Variants in NPRL3 observed in about 807,000 individuals in gnomAD.
NPRL3 encodes GATOR1 complex protein NPRL3.
A neutral mutation model predicts 57.2 loss-of-function variants in NPRL3; 23 were observed. The observed-to-expected ratio is 0.40, with a 90% CI of 0.29 to 0.57. The LOEUF (loss-of-function observed/expected upper bound fraction) is 0.57. NPRL3 is among the 20% of genes least tolerant of loss of function. NPRL3 has a pLI of 0.42. For missense variants in NPRL3, 691 were observed against 767.1 expected (o/e 0.90, Z 1.17); for synonymous variants, 333 against 321.1 (o/e 1.04, Z -0.39).
chr16:123,675 C>T (rs762198299), intron 3 of NPRL3: 3 of 421,884 alleles, frequency 7.1e-6, no homozygotes, highest in Non-Finnish European at 1.4e-5. Context: ...TAAGCATTAA[C>T]TGTTGACCAT....
rs1323282813 is a variant in NPRL3 at position 117,368 on chromosome 16, T to C, written c.326A>G (p.Lys109Arg). Residue 109 changes from lysine to arginine, a missense_variant, in exon 5 of 14, where the codon AAA (lysine) becomes AGA (arginine). Coordinates refer to ENST00000611875, the MANE Select transcript of NPRL3 (RefSeq NM_001077350.3). The stretch of plus-strand genomic sequence containing the variant: ...TTCCCTCTTCGGGGAAGGATCTGTT[T>C]TGGAGATCTGTAAAAGATGCATAAT... ...LLQHALGQIS[K>R]TDPSPKREAP... The C allele has an allele frequency of 1.2e-6, 2 of 1,607,398 alleles. No homozygotes were observed. The highest frequency in any genetic ancestry group is 1.7e-6 in the Non-Finnish European group (2 of 1,175,202).
chr16:132,016 T>C (rs953161561), intron 2 of NPRL3, among the ~76,000 whole-genome samples: 7 of 151,778 alleles, frequency 4.6e-5, no homozygotes, highest in South Asian at 2.1e-4. Context: ...TTCTTTTTTT[T>C]TTTTTTTGAG....
intron 11 of NPRL3, chr16:91,032 A>C (rs1898741276): frequency 1.3e-5 from 2 of 152,002 alleles, no homozygotes; most frequent in Admixed American, 1.3e-4. Flanking sequence ...GTGAGCCAAG[A>C]TCACGCCACT....
intron 8 of NPRL3, 136 bp from the exon 9 acceptor site, chr16:98,437 A>T (rs1899121707): frequency 2.1e-6 from 2 of 936,274 alleles, no homozygotes; most frequent in Non-Finnish European, 3.2e-6. Context: ...TGCACCAGGT[A>T]TGCACCTGGG....
chr16:115,651 A>C (rs1248873094), intron 5 of NPRL3, among the ~76,000 whole-genome samples: 1 of 152,042 alleles, frequency 6.6e-6, no homozygotes, highest in Non-Finnish European at 1.5e-5. Context: ...ACACCTGGCT[A>C]ATTTTGTATT....
At chr16:123,445 T>G (rs181318439) in intron 3 of NPRL3, 43 of 469,738 alleles carry the variant, frequency 9.2e-5, no homozygotes, top group Non-Finnish European at 1.8e-4. Flanking sequence ...TTAAGCACAA[T>G]TACAAGAAGA....
chr16:89,091 C>T (rs1039430779), intron 12 of NPRL3: 4 of 594,772 alleles, frequency 6.7e-6, no homozygotes, highest in African/African-American at 1.9e-5. Context: ...AAACGGGTAG[C>T]CTCCCCTCTG....
chr16:93,564 GTTTTT>G (rs34541011), intron 9 of NPRL3, among the ~76,000 whole-genome samples: 2 of 135,452 alleles, frequency 1.5e-5, no homozygotes, highest in African/African-American at 2.8e-5. Flanking sequence ...GTGAGCAATG[GTTTTT>G]TTTTTTTTTT....
At chr16:98,443 C>A in intron 8 of NPRL3, 142 bp from the exon 9 acceptor site, 1 of 889,976 alleles carries the variant, frequency 1.1e-6, no homozygotes, top group Non-Finnish European at 1.7e-6. Context: ...AGGTATGCAC[C>A]TGGGACTCAA....
chr16:94,370 C>T (rs1386298381), intron 9 of NPRL3, among the ~76,000 whole-genome samples: 2 of 152,252 alleles, frequency 1.3e-5, no homozygotes, highest in African/African-American at 2.4e-5. Context: ...ACCCTCTTGG[C>T]GGGTAGGCCT....
intron 11 of NPRL3, 43 bp from the exon 12 acceptor site, chr16:89,945 A>C: frequency 5.3e-6 from 8 of 1,513,644 alleles, no homozygotes; most frequent in Non-Finnish European, 7.1e-6. Context: ...TCCCCACTCC[A>C]ACTTCCTCCT....
intron 3 of NPRL3, among the ~76,000 whole-genome samples, chr16:121,056 C>G (rs531936075): frequency 1.3e-5 from 2 of 152,202 alleles, no homozygotes; most frequent in African/African-American, 2.4e-5. Flanking sequence ...CTTGCTCTGA[C>G]AGCCCAAAAT....
At chr16:135,434 C>T (rs1901025855) in intron 2 of NPRL3, among the ~76,000 whole-genome samples, 1 of 151,966 alleles carries the variant, frequency 6.6e-6, no homozygotes, top group South Asian at 2.1e-4. Context: ...TATGGTGAAA[C>T]CCCATCTCTA....
intron 3 of NPRL3, chr16:123,423 G>A (rs533594498): frequency 4.3e-6 from 2 of 466,412 alleles, no homozygotes; most frequent in East Asian, 7.0e-5. Flanking sequence ...CAACATGGAG[G>A]GAAATCAGGA....
At chr16:96,443 A>C (rs930970609) in intron 9 of NPRL3, among the ~76,000 whole-genome samples, 7 of 152,082 alleles carry the variant, frequency 4.6e-5, no homozygotes, top group African/African-American at 1.4e-4. Flanking sequence ...GAGTTCTTTT[A>C]AAATTCTCTG....
intron 13 of NPRL3, 39 bp downstream of exon 13, chr16:88,659 G>A (rs1898608466): frequency 6.4e-7 from 1 of 1,564,850 alleles, no homozygotes; most frequent in Non-Finnish European, 8.7e-7. Flanking sequence ...CCCTGACCCT[G>A]CAACTGGCCC....
intron 5 of NPRL3, among the ~76,000 whole-genome samples, chr16:115,845 C>T (rs746162362): frequency 1.3e-5 from 2 of 152,196 alleles, no homozygotes; most frequent in Non-Finnish European, 2.9e-5. Context: ...GTCTGATCTC[C>T]ATTTCTCACC....
In NPRL3 at chr16:86,767, C is replaced by T. The variant is rs188724206; in HGVS notation, c.1648G>A (p.Val550Met). 145 of 1,596,002 alleles carry T rather than the reference C, an allele frequency of 9.1e-5. No homozygotes were observed. Among genetic ancestry groups the T allele is most frequent in the Non-Finnish European group, 1.1e-4 (133 of 1,172,216 alleles). The change falls in exon 14 of 14, where the codon GTG becomes ATG. Residue 550 changes from valine (V) to methionine (M), a missense_variant. Physicochemically the swap from Val to Met is conservative, Grantham distance 21 (BLOSUM62 1). Transcript: ENST00000611875. Reference sequence around the variant, plus strand: ...TCCTCGTGGGTGGTCACCACCAGCACGCTGCGGAACTTGTCAAACAGCATG... The same window carrying T: ...TCCTCGTGGGTGGTCACCACCAGCATGCTGCGGAACTTGTCAAACAGCATG... ...LLMLFDKFRS[V>M]LVVTTHEDPV...
At position 85,589 on chromosome 16, in the gene NPRL3, G is replaced by A. The variant is rs1435769056; in HGVS notation, c.*1116C>T. 5 of 1,612,820 alleles carry A rather than the reference G, an allele frequency of 3.1e-6. No homozygotes were observed. Among genetic ancestry groups the A allele is most frequent in the African/African-American group, 2.7e-5 (2 of 74,930 alleles). On this transcript the variant is annotated 3_prime_UTR_variant, in exon 14 of 14. Transcript: ENST00000611875. Reference sequence around the variant, plus strand: ...CAAGAGCTTTGACCAGAGGGACCTGGCACAGGATGAAGCTGTATGGCTGGA... The same window carrying A: ...CAAGAGCTTTGACCAGAGGGACCTGACACAGGATGAAGCTGTATGGCTGGA...
Sources: allele counts gnomAD v4.1 joint callset (sites outside exome capture counted in the v4.1 genomes callset), GRCh38; gene constraint gnomAD v4.1.1; transcripts MANE v1.5; gene names NCBI Gene and HGNC (gene_info 2026-07-23, HGNC 2026-07-21).